Variants in PRPF8 observed in about 807,000 individuals in gnomAD.
PRPF8 encodes pre-mRNA processing factor 8.
PRPF8 carries 64 observed loss-of-function variants against 285.9 expected under a neutral mutation model. That is an observed-to-expected ratio of 0.22 (90% CI 0.18 to 0.28). The LOEUF (loss-of-function observed/expected upper bound fraction) is 0.28. Among genes scored for constraint, PRPF8 ranks in the 10% least tolerant of loss-of-function variants. The pLI is 1.00. For missense variants in PRPF8, 1,426 were observed against 3,026.7 expected (o/e 0.47, Z 12.41); for synonymous variants, 1,325 against 1,118.2 (o/e 1.18, Z -3.69).
chr17:1,660,308 G>A, intron 30 of PRPF8, 124 bp downstream of exon 30: 1 of 1,521,528 alleles, frequency 6.6e-7, no homozygotes, highest in African/African-American at 1.4e-5. Context: ...TTCCACCTGA[G>A]CTGACTCTGT....
At position 1,653,755 on chromosome 17, in the gene PRPF8, C is replaced by CCACCCTCTTGCCCGACAGTA. The variant is rs762502953; in HGVS notation, c.6227+2_6227+21dup. On this transcript the variant is annotated intron_variant, in intron 38 of 42. Coordinates refer to ENST00000304992, the MANE Select transcript of PRPF8 (RefSeq NM_006445.4). This position sits in a 1 kb window ranked among gnomAD's most constrained non-coding sequence, Gnocchi z 4.9. ...GGTAGTGCAGCCGGCCTTTCCATCC[C>CCACCCTCTTGCCCGACAGTA]CACCCTCTTGCCCGACAGTACCTGA... is the stretch of plus-strand genomic sequence containing the variant. 14 of 1,614,140 alleles carry CCACCCTCTTGCCCGACAGTA rather than the reference C, an allele frequency of 8.7e-6. No individual in the cohort carries two copies. Among genetic ancestry groups the CCACCCTCTTGCCCGACAGTA allele is most frequent in the Non-Finnish European group, 1.0e-5 (12 of 1,180,030 alleles).
At chr17:1,677,794 C>A in intron 13 of PRPF8, 100 bp from the exon 14 acceptor site, 1 of 1,464,528 alleles carries the variant, frequency 6.8e-7, no homozygotes, top group Non-Finnish European at 9.5e-7. Flanking sequence ...AATATACATA[C>A]AGAGGAATGT....
chr17:1,678,819 A>G lies in PRPF8; in HGVS notation c.1662T>C (p.Thr554=). Residue 554 remains threonine, a synonymous_variant, in exon 12 of 43, where the codon ACT becomes ACC. Transcript: ENST00000304992. ...GCACGTGACTATCCACCACCAGCTT[A>G]GTCAAACGCAGAACTTCCCGACACA... ...FHLCREVLRL[T]KLVVDSHVQY... 1 of 1,614,186 alleles carries G rather than the reference A, an allele frequency of 6.2e-7. No individual in the cohort carries two copies. Among genetic ancestry groups the G allele is most frequent in the Non-Finnish European group, 8.5e-7 (1 of 1,180,030 alleles).
intron 24 of PRPF8, among the ~76,000 whole-genome samples, chr17:1,665,335 C>A (rs1911907838): frequency 6.6e-6 from 1 of 150,774 alleles, no homozygotes; most frequent in African/African-American, 2.4e-5. Context: ...GTCAGGAGAT[C>A]AAGACCATCC....
chr17:1,656,314 C>T (rs1911384449), intron 36 of PRPF8, 78 bp downstream of exon 36: 2 of 1,586,544 alleles, frequency 1.3e-6, no homozygotes, highest in Non-Finnish European at 8.6e-7. Flanking sequence ...GTGAAAATGG[C>T]AAAAACCTGA....
At chr17:1,677,721 T>C in intron 13 of PRPF8, 27 bp from the exon 14 acceptor site, 1 of 1,613,336 alleles carries the variant, frequency 6.2e-7, no homozygotes, top group South Asian at 1.1e-5. Context: ...AAGTTAAGAA[T>C]ACAAGTTAGC....
At chr17:1,654,958 CTTT>C (rs922886665) in intron 37 of PRPF8, 584 of 158,670 alleles carry the variant, frequency 3.7e-3, no homozygotes, top group South Asian at 9.7e-3. Context: ...TGAGAAACGT[CTTT>C]TTTTTTTTTT....
Position 1,651,039 on chromosome 17 carries a change from A to G in PRPF8, c.6853+69T>C. 2.5e-6 allele frequency: 4 copies of G among 1,613,842 alleles called. No individual in the cohort carries two copies. The highest frequency in any genetic ancestry group is 1.1e-5 in the South Asian group (1 of 91,072). ...CCACCTCCAAGCCAGCCAGGCCCCA[A>G]GTGCAAAGGGCGATGGCCTCACCTT... is the stretch of plus-strand genomic sequence containing the variant. On this transcript the variant is annotated intron_variant, in intron 42 of 42. Transcript: ENST00000304992. The surrounding 1 kb of genome is among the most constrained non-coding windows in gnomAD (Gnocchi z 5.1).
chr17:1,658,610 A>G lies in PRPF8; in HGVS notation c.5292T>C (p.Ser1764=), dbSNP rs1367264284. The change falls in exon 33 of 43, where the codon TCT becomes TCC. Residue 1764 remains serine (S), a synonymous_variant. Coordinates refer to ENST00000304992, the MANE Select transcript of PRPF8 (RefSeq NM_006445.4). This position sits in a 1 kb window ranked among gnomAD's most constrained non-coding sequence, Gnocchi z 4.1. The part of the protein sequence containing the change: ...YSSEPTEPYL[S]SQNYGELFSN... ...AGAAGAGCTCACCATAGTTCTGAGA[A>G]GACAAATAAGGCTCAGTGGGTTCAG... 4 of 1,614,096 alleles carry G rather than the reference A, an allele frequency of 2.5e-6. No homozygotes were observed. Among genetic ancestry groups the G allele is most frequent in the Admixed American group, 1.7e-5 (1 of 60,002 alleles).
intron 37 of PRPF8, chr17:1,654,493 A>G (rs1226609737): frequency 1.1e-5 from 3 of 271,394 alleles, no homozygotes; most frequent in African/African-American, 6.6e-5. Flanking sequence ...ATGTATGGAC[A>G]GTAAAGAAAT....
rs917875914 is a variant in PRPF8, at chr17:1,679,959, G to A, written c.1099-160C>T. Among the ~76,000 whole-genome samples, 1 of 152,140 alleles carries A rather than the reference G, an allele frequency of 6.6e-6. No individual in the cohort carries two copies. The highest frequency in any genetic ancestry group is 1.5e-5 in the Non-Finnish European group (1 of 68,032). ...GAAGTGCCAGCACAAAGGAAACCAA[G>A]ACAGCAAAGAACAAGACAGGGCCAC... is the stretch of plus-strand genomic sequence containing the variant. On this transcript the variant is annotated intron_variant, in intron 8 of 42. Transcript: ENST00000304992. This position sits in a 1 kb window ranked among gnomAD's most constrained non-coding sequence, Gnocchi z 4.7.
Position 1,655,451 on chromosome 17 carries a change from T to C in PRPF8, c.5886A>G (p.Thr1962=), listed in dbSNP as rs1239761734. The part of the protein sequence containing the change: ...VILKPDKTTI[T]EPHHIWPTLT... ...GAGTGGGCCAGATGTGGTGTGGTTC[T>C]GTAATAGTAGTCTTGTCTGGCTTCA... Residue 1962 remains threonine (T), a synonymous_variant, in exon 37 of 43, where the codon ACA becomes ACG. Transcript: ENST00000304992. The C allele has an allele frequency of 6.2e-7, 1 of 1,614,152 alleles. No homozygotes were observed. The highest frequency in any genetic ancestry group is 1.1e-5 in the South Asian group (1 of 91,080).
Position 1,675,124 on chromosome 17 carries a change from A to G in PRPF8, c.3060+28T>C. On this transcript the variant is annotated intron_variant, in intron 20 of 42. Transcript: ENST00000304992. This position sits in a 1 kb window ranked among gnomAD's most constrained non-coding sequence, Gnocchi z 6.0. ...GGGCCAGACAAGCACTCCACACACAATTCCATGCTACTGCGCCTGAGACGC... is the reference window on the plus strand; with the variant it reads ...GGGCCAGACAAGCACTCCACACACAGTTCCATGCTACTGCGCCTGAGACGC... 6.2e-7 allele frequency: 1 copy of G among 1,612,200 alleles called. No homozygotes were observed.
Position 1,673,153 on chromosome 17 carries a change from A to T in PRPF8, c.3702T>A (p.Asp1234Glu), listed in dbSNP as rs1912418488. Residue 1234 changes from aspartate (D) to glutamate (E), a missense_variant, in exon 24 of 43, where the codon GAT becomes GAA. Physicochemically the swap from Asp to Glu is conservative, Grantham distance 45. This residue lies in a region of PRPF8 where 18 missense variants were observed against 20.6 expected (regional missense o/e 0.87). Transcript: ENST00000304992. The surrounding 1 kb of genome is among the most constrained non-coding windows in gnomAD (Gnocchi z 5.5). ...RTAQCFLRVD[D>E]ESMQRFHNRV... Reference sequence around the variant, plus strand: ...GGTTGTGGAAGCGCTGCATTGACTCATCGTCCACACGCAGGAAACACTGAG... The same window carrying T: ...GGTTGTGGAAGCGCTGCATTGACTCTTCGTCCACACGCAGGAAACACTGAG... 6.2e-7 allele frequency: 1 copy of T among 1,614,218 alleles called. No homozygotes were observed. The highest frequency in any genetic ancestry group is 2.2e-5 in the East Asian group (1 of 44,886).
intron 24 of PRPF8, among the ~76,000 whole-genome samples, chr17:1,662,844 A>AG (rs1300537293): frequency 2.2e-4 from 32 of 148,066 alleles, no homozygotes; most frequent in Non-Finnish European, 3.0e-5. Context: ...AAAAAAAAAA[A>AG]GAAAAGAAAA....
intron 37 of PRPF8, chr17:1,654,958 CTTTTTTT>C (rs922886665): frequency 2.5e-5 from 4 of 159,222 alleles, no homozygotes; most frequent in East Asian, 1.6e-4. Context: ...TGAGAAACGT[CTTTTTTT>C]TTTTTTTTTT....
chr17:1,655,221 GT>G, intron 37 of PRPF8, 128 bp downstream of exon 37: 1 of 1,027,862 alleles, frequency 9.7e-7, no homozygotes, highest in Non-Finnish European at 1.5e-6. Flanking sequence ...GCCTCCCAAA[GT>G]GCTGGGATTA....
Position 1,676,283 on chromosome 17 carries a change from G to C in PRPF8, c.2476C>G (p.Pro826Ala). 1 of 1,614,100 alleles carries C rather than the reference G, an allele frequency of 6.2e-7. No homozygotes were observed. The highest frequency in any genetic ancestry group is 8.5e-7 in the Non-Finnish European group (1 of 1,180,028). Residue 826 changes from proline to alanine, a missense_variant, in exon 17 of 43, where the codon CCA (proline) becomes GCA (alanine). By Grantham distance (27) the Pro-to-Ala change is conservative (BLOSUM62 -1). Around this residue, in one of 34 missense-constraint regions of PRPF8, gnomAD observed 70 missense variants for 273.7 expected, o/e 0.26. Transcript: ENST00000304992. The surrounding 1 kb of genome is among the most constrained non-coding windows in gnomAD (Gnocchi z 6.3). ...WLESRRFSPI[P>A]FPPLSYKHDT... Reference sequence around the variant, plus strand: ...TGCTTATAGGAGAGTGGGGGGAATGGGATGGGTGAAAACCTGCGGCTTTCC... The same window carrying C: ...TGCTTATAGGAGAGTGGGGGGAATGCGATGGGTGAAAACCTGCGGCTTTCC...
Position 1,659,230 on chromosome 17 carries a change from T to C in PRPF8, c.5138+127A>G. The C allele has an allele frequency of 9.2e-7, 1 of 1,082,162 alleles. No homozygotes were observed. Among genetic ancestry groups the C allele is most frequent in the Non-Finnish European group, 1.4e-6 (1 of 715,710 alleles). The allele number at this position is 1,082,162 out of a possible 1,614,324, so 67.0% of individuals were successfully genotyped here. On this transcript the variant is annotated intron_variant, in intron 32 of 42. Transcript: ENST00000304992. This position sits in a 1 kb window ranked among gnomAD's most constrained non-coding sequence, Gnocchi z 5.1. The stretch of plus-strand genomic sequence containing the variant: ...TGGTAGAGACAGGGTTTCACCATGT[T>C]GCCCAGACTGGTCTCAAACTCCTGA...
Sources: allele counts gnomAD v4.1 joint callset (sites outside exome capture counted in the v4.1 genomes callset), GRCh38; gene constraint gnomAD v4.1.1; regional missense constraint gnomAD v4.1.1; non-coding constraint Gnocchi (gnomAD v3.1); transcripts MANE v1.5; gene names NCBI Gene and HGNC (gene_info 2026-07-23, HGNC 2026-07-21).